The following ADGRB3 variants were observed in gnomAD, a reference collection of about 807,000 sequenced individuals.
The protein encoded by ADGRB3 is brain-specific angiogenesis inhibitor 3.
Under a neutral mutation model 193.4 loss-of-function variants are expected in ADGRB3, and 37 were observed. The observed-to-expected ratio is 0.19, with a 90% CI of 0.15 to 0.25. The LOEUF (loss-of-function observed/expected upper bound fraction) is 0.25, where lower values mean the gene tolerates loss of function less well. ADGRB3 is among the 10% of genes least tolerant of loss of function. The pLI is 1.00. For synonymous variants in ADGRB3, 690 were observed against 644.2 expected, an observed-to-expected ratio of 1.07 and a Z score of -1.08; for missense variants, 1,637 against 1,852.9, an observed-to-expected ratio of 0.88 and a Z score of 2.14.
At chr6:69,067,394 C>T (rs945763464) in intron 16 of ADGRB3, among the ~76,000 whole-genome samples, 4 of 151,942 alleles carry the variant, frequency 2.6e-5, no homozygotes, top group African/African-American at 9.7e-5. Flanking sequence ...TAACCATGAC[C>T]CTATGACCTT....
Position 68,993,795 on chromosome 6 carries a change from C to A in ADGRB3, c.1762C>A (p.Arg588=). Residue 588 remains arginine, a synonymous_variant, in exon 11 of 32, where the codon CGA becomes AGA. Transcript: ENST00000370598. ...SIKEHLAKGQ[R]MLAGDGMSQV... ...TAAAGAGCACCTTGCTAAGGGGCAG[C>A]GAATGCTGGCAGGTGATGGAATGTC... The A allele has an allele frequency of 6.2e-7, 1 of 1,613,644 alleles. No individual in the cohort carries two copies. Among genetic ancestry groups the A allele is most frequent in the Non-Finnish European group, 8.5e-7 (1 of 1,179,680 alleles).
chr6:69,357,739 C>A (rs1212587408), intron 28 of ADGRB3, among the ~76,000 whole-genome samples: 1 of 151,870 alleles, frequency 6.6e-6, no homozygotes, highest in East Asian at 1.9e-4. Flanking sequence ...AGTAAGGTAA[C>A]TATCATGATT....
At chr6:69,158,552 A>T (rs139858181) in intron 17 of ADGRB3, among the ~76,000 whole-genome samples, 1 of 152,252 alleles carries the variant, frequency 6.6e-6, no homozygotes, top group East Asian at 1.9e-4. Context: ...AGTCAAATGA[A>T]ATATGGCTTT....
intron 17 of ADGRB3, among the ~76,000 whole-genome samples, chr6:69,228,045 C>T (rs1216046735): frequency 6.6e-6 from 1 of 152,148 alleles, no homozygotes; most frequent in Non-Finnish European, 1.5e-5. Context: ...CACCTGAGGT[C>T]AGGAGTTTGA....
At chr6:68,704,478 A>G (rs1345755328) in intron 3 of ADGRB3, among the ~76,000 whole-genome samples, 1 of 152,186 alleles carries the variant, frequency 6.6e-6, no homozygotes, top group African/African-American at 2.4e-5. Context: ...AATAACTTTG[A>G]GATTAGAAGT....
intron 6 of ADGRB3, among the ~76,000 whole-genome samples, chr6:68,950,996 A>G (rs1767901806): frequency 6.6e-6 from 1 of 152,150 alleles, no homozygotes; most frequent in Non-Finnish European, 1.5e-5. Context: ...GCTTCTGCAC[A>G]GCATCTGAAC....
rs571987814 is a variant in ADGRB3, at chr6:69,234,031, A to G, written c.2607+615A>G. Among the ~76,000 whole-genome samples the G allele has an allele frequency of 2.0e-5, 3 of 152,308 alleles. No individual in the cohort carries two copies. The East Asian group carries it at 5.8e-4, about 29-fold the overall frequency. On this transcript the variant is annotated intron_variant, in intron 18 of 31. Transcript: ENST00000370598. ...CTGAAAGAAAAATAATATTCTCATC[A>G]ATTGTATTTTGAGGAAATATAACTC...
chr6:69,209,128 G>C (rs907522836), intron 17 of ADGRB3, among the ~76,000 whole-genome samples: 2 of 152,160 alleles, frequency 1.3e-5, no homozygotes, highest in East Asian at 1.9e-4. Context: ...CTGCTGGCTC[G>C]TATGGACCAA....
At chr6:68,683,034 C>G (rs1234248253) in intron 3 of ADGRB3, among the ~76,000 whole-genome samples, 1 of 152,116 alleles carries the variant, frequency 6.6e-6, no homozygotes, top group East Asian at 1.9e-4. Flanking sequence ...ATCCAACCAC[C>G]TTGGCCTCCC....
chr6:69,053,380 T>C (rs540577544), intron 15 of ADGRB3, among the ~76,000 whole-genome samples: 19 of 152,364 alleles, frequency 1.2e-4, no homozygotes, highest in Non-Finnish European at 1.8e-4. Context: ...ACTCTTCTAC[T>C]ATATCTCATT....
chr6:68,726,046 A>G (rs1360493350), intron 3 of ADGRB3, among the ~76,000 whole-genome samples: 2 of 151,500 alleles, frequency 1.3e-5, no homozygotes, highest in Non-Finnish European at 3.0e-5. Context: ...TTGGCTATAA[A>G]ATTCCCCATA....
intron 3 of ADGRB3, among the ~76,000 whole-genome samples, chr6:68,881,288 G>A (rs540420890): frequency 2.0e-5 from 3 of 151,406 alleles, no homozygotes; most frequent in East Asian, 1.9e-4. Context: ...CATATTTTCC[G>A]TGTGTTGCAG....
intron 6 of ADGRB3, 38 bp downstream of exon 6, chr6:68,944,032 T>C: frequency 2.6e-6 from 4 of 1,566,544 alleles, no homozygotes; most frequent in Non-Finnish European, 3.5e-6. Context: ...TTGCATTATG[T>C]GCTTTTTATA....
At chr6:68,967,078 G>C (rs1768402126) in intron 8 of ADGRB3, among the ~76,000 whole-genome samples, 1 of 152,096 alleles carries the variant, frequency 6.6e-6, no homozygotes. Context: ...TGAAAACCCT[G>C]GACCAGTTTG....
intron 17 of ADGRB3, among the ~76,000 whole-genome samples, chr6:69,152,273 T>C (rs1486152098): frequency 6.6e-6 from 1 of 152,204 alleles, no homozygotes; most frequent in Non-Finnish European, 1.5e-5. Flanking sequence ...GGAATTCTCT[T>C]GTGGAAGTCA....
chr6:69,058,114 T>C lies in ADGRB3; in HGVS notation c.2334-4820T>C, dbSNP rs147124627. On this transcript the variant is annotated intron_variant, in intron 15 of 31. Coordinates refer to ENST00000370598, the MANE Select transcript of ADGRB3 (RefSeq NM_001704.3). Reference sequence around the variant, plus strand: ...TTGATTATTGATTCAATCGCTTTACTAGTTATGGGTCTATTCAGAAATAAA... The same window carrying C: ...TTGATTATTGATTCAATCGCTTTACCAGTTATGGGTCTATTCAGAAATAAA... 6.1e-3 allele frequency among the ~76,000 whole-genome samples: 935 copies of C among 152,058 alleles called. 12 individuals are homozygous for C. Among genetic ancestry groups the C allele is most frequent in the South Asian group, 0.011 (51 of 4,818 alleles).
intron 20 of ADGRB3, among the ~76,000 whole-genome samples, chr6:69,250,081 G>A (rs60654288): frequency 6.6e-6 from 1 of 152,124 alleles, no homozygotes. Context: ...CTGTGTAAGT[G>A]TTCTTTGTTA....
intron 3 of ADGRB3, among the ~76,000 whole-genome samples, chr6:68,912,936 C>T (rs554799461): frequency 7.2e-5 from 11 of 152,278 alleles, no homozygotes; most frequent in South Asian, 6.2e-4. Context: ...GAGGGTCCTA[C>T]GCCCATGGAA....
intron 3 of ADGRB3, among the ~76,000 whole-genome samples, chr6:68,645,595 C>A (rs1267460663): frequency 6.6e-6 from 1 of 152,178 alleles, no homozygotes; most frequent in Non-Finnish European, 1.5e-5. Flanking sequence ...ATAATACCTA[C>A]TGCAATGGAG....
Sources: allele counts gnomAD v4.1 joint callset (sites outside exome capture counted in the v4.1 genomes callset), GRCh38; gene constraint gnomAD v4.1.1; transcripts MANE v1.5; gene names NCBI Gene and HGNC (gene_info 2026-07-23, HGNC 2026-07-21).